DMD: variants seen among roughly 807,000 people sequenced by gnomAD.
DMD encodes the protein mutant dystrophin.
A neutral mutation model predicts 330.1 loss-of-function variants in DMD; 63 were observed. The observed-to-expected ratio is 0.19, with a 90% CI of 0.16 to 0.24. The LOEUF (loss-of-function observed/expected upper bound fraction) is 0.24. DMD is among the 10% of genes least tolerant of loss of function. The probability of loss-of-function intolerance (pLI) is 1.00; values close to 1 mark genes in which losing one functional copy is unlikely to be tolerated. For missense variants in DMD, 3,344 were observed against 2,684.1 expected (o/e 1.25, Z -5.43); for synonymous variants, 1,223 against 959.8 (o/e 1.27, Z -5.07).
intron 44 of DMD, among the ~76,000 whole-genome samples, chrX:32,129,047 A>G (rs999320270): frequency 2.7e-5 from 3 of 111,733 alleles, no homozygotes; most frequent in African/African-American, 9.7e-5. Context: ...TACCAAGGAC[A>G]GTTACAGTTT....
At chrX:32,731,381 T>C (rs1047985912) in intron 7 of DMD, among the ~76,000 whole-genome samples, 1 of 112,333 alleles carries the variant, frequency 8.9e-6, no homozygotes, top group Non-Finnish European at 1.9e-5. Flanking sequence ...ACAAAGCAGC[T>C]GGGAAGCTTG....
At chrX:31,916,251 A>C (rs777909713) in intron 47 of DMD, among the ~76,000 whole-genome samples, 1 of 112,272 alleles carries the variant, frequency 8.9e-6, no homozygotes, top group Admixed American at 9.4e-5. Context: ...GGGACCCCAC[A>C]GACTGTGTGC....
chrX:31,943,916 AG>A (rs1398966249), intron 45 of DMD, among the ~76,000 whole-genome samples: 5 of 104,708 alleles, frequency 4.8e-5, no homozygotes, highest in African/African-American at 1.8e-4. Context: ...AGAGAGAGAG[AG>A]AGAGAGAGAG....
At chrX:32,341,627 T>C (rs1256349894) in intron 41 of DMD, among the ~76,000 whole-genome samples, 1 of 111,946 alleles carries the variant, frequency 8.9e-6, no homozygotes, top group Non-Finnish European at 1.9e-5. Flanking sequence ...GATTAAGCTA[T>C]TATTCTTCAA....
At chrX:32,857,091 T>C (rs1423328558) in intron 2 of DMD, among the ~76,000 whole-genome samples, 1 of 109,256 alleles carries the variant, frequency 9.2e-6, no homozygotes, top group Non-Finnish European at 1.9e-5. Context: ...AAAAAAAAAT[T>C]TGAAGTGGAA....
rs1379213865 is a variant in DMD, at chrX:32,732,702, A to G, written c.650-33409T>C. Among the ~76,000 whole-genome samples, 6 of 110,957 alleles carry G rather than the reference A, an allele frequency of 5.4e-5. No homozygotes were observed. The Admixed American group carries it at 5.8e-4, about 11-fold the overall frequency. On this transcript the variant is annotated intron_variant, in intron 7 of 78. Coordinates refer to ENST00000357033, the MANE Select transcript of DMD (RefSeq NM_004006.3). The stretch of plus-strand genomic sequence containing the variant: ...AGGAGAAATAAAATACTCTACAGAC[A>G]AGCAAATGCTGAGAGATTTTGTCAC...
chrX:31,696,742 G>A (rs1049543428), intron 52 of DMD, among the ~76,000 whole-genome samples: 6 of 111,985 alleles, frequency 5.4e-5, no homozygotes, highest in African/African-American at 1.3e-4. Flanking sequence ...TTTGGCTGCT[G>A]TGAATAATAA....
intron 21 of DMD, among the ~76,000 whole-genome samples, chrX:32,481,505 T>G (rs1490299465): frequency 3.6e-5 from 4 of 111,949 alleles, no homozygotes; most frequent in African/African-American, 6.5e-5. Context: ...AGAAGTTCTA[T>G]AAGAGCAATT....
At chrX:32,876,655 C>CA (rs1465490037) in intron 2 of DMD, among the ~76,000 whole-genome samples, 1 of 112,052 alleles carries the variant, frequency 8.9e-6, no homozygotes, top group East Asian at 2.8e-4. Context: ...TAGGTTTCCT[C>CA]ACTACTTTAT....
chrX:32,912,860 G>C (rs17283442), intron 2 of DMD, among the ~76,000 whole-genome samples: 1,931 of 111,484 alleles, frequency 0.017, 75 homozygotes, highest in Admixed American at 0.13. Context: ...AAAATTCGAA[G>C]TAATAAACAC....
intron 11 of DMD, among the ~76,000 whole-genome samples, chrX:32,636,902 C>A (rs1319779177): frequency 1.8e-5 from 2 of 109,815 alleles, no homozygotes; most frequent in East Asian, 5.7e-4. Flanking sequence ...GGAGGCTGAA[C>A]CAGGAGAATG....
chrX:31,773,180 A>G (rs190348076), intron 51 of DMD, among the ~76,000 whole-genome samples: 54 of 112,336 alleles, frequency 4.8e-4, no homozygotes, highest in Admixed American at 1.3e-3. Flanking sequence ...GAAAGCTGTT[A>G]CAAGTGAAAA....
At chrX:31,578,554 C>T (rs2076207953) in intron 55 of DMD, among the ~76,000 whole-genome samples, 1 of 111,939 alleles carries the variant, frequency 8.9e-6, no homozygotes, top group Admixed American at 9.5e-5. Context: ...ATTTTTCAAA[C>T]CATTTGGGCA....
At chrX:33,098,986 C>T (rs773154487) in intron 1 of DMD, among the ~76,000 whole-genome samples, 1 of 112,212 alleles carries the variant, frequency 8.9e-6, no homozygotes, top group South Asian at 3.7e-4. Context: ...GGAAGAGGAA[C>T]AGGCTATGAC....
intron 7 of DMD, among the ~76,000 whole-genome samples, chrX:32,729,603 T>A (rs764043379): frequency 9.0e-6 from 1 of 111,689 alleles, no homozygotes; most frequent in Non-Finnish European, 1.9e-5. Flanking sequence ...TCATATATCA[T>A]CTCAGCAGAT....
chrX:31,997,296 C>G (rs1183557588), intron 44 of DMD, among the ~76,000 whole-genome samples: 2 of 111,302 alleles, frequency 1.8e-5, no homozygotes, highest in African/African-American at 6.5e-5. Context: ...ATGAGGTTTA[C>G]CTTAAGGCAA....
chrX:31,543,123 C>A lies in DMD; in HGVS notation c.8218-35670G>T, dbSNP rs766563823. Among the ~76,000 whole-genome samples the A allele has an allele frequency of 2.8e-5, 3 of 105,977 alleles. No individual in the cohort carries two copies. The South Asian group carries it at 1.2e-3, about 44-fold the overall frequency. The allele number at this position is 105,977 out of a possible 115,157, so 92.0% of individuals were successfully genotyped here. A position where few individuals can be genotyped will look rare whatever the true frequency, so the allele number is the denominator to read the frequency against. ...GCAATTGGCTATTGCAGATGGAAGACCCTTGCTGGCCTGTTTTTTTTTTAA... is the reference window on the plus strand; with the variant it reads ...GCAATTGGCTATTGCAGATGGAAGAACCTTGCTGGCCTGTTTTTTTTTTAA... On this transcript the variant is annotated intron_variant, in intron 55 of 78. Transcript: ENST00000357033.
chrX:32,483,164 T>TATATATATATATATATATACACAC (rs1481445275), intron 21 of DMD, among the ~76,000 whole-genome samples: 1 of 61,601 alleles, frequency 1.6e-5, no homozygotes, highest in Non-Finnish European at 3.4e-5. Context: ...TATATATATA[T>TATATATATATATATATATACACAC]ACACCATATT....
intron 38 of DMD, 28 bp from the exon 39 acceptor site, chrX:32,346,108 C>T: frequency 8.3e-7 from 1 of 1,204,877 alleles, no homozygotes; most frequent in Non-Finnish European, 1.1e-6. Flanking sequence ...GTACAGTCTT[C>T]ATTTTGGTTT....
Sources: gnomAD v4.1 joint callset for allele counts (sites outside exome capture counted in the v4.1 genomes callset) on GRCh38, gnomAD v4.1.1 for gene constraint, MANE v1.5 for transcripts, NCBI Gene and HGNC (gene_info 2026-07-23, HGNC 2026-07-21) for gene names.